MTMR9: variants seen among roughly 807,000 people sequenced by gnomAD.
MTMR9 encodes myotubularin related protein 9.
A neutral mutation model predicts 69.5 loss-of-function variants in MTMR9; 39 were observed. The observed-to-expected ratio is 0.56, with a 90% CI of 0.43 to 0.73. The LOEUF (loss-of-function observed/expected upper bound fraction) is 0.73, where lower values mean the gene tolerates loss of function less well. MTMR9 is among the 30% of genes least tolerant of loss of function. The pLI, the probability that MTMR9 is intolerant of heterozygous loss-of-function variation, is 0.00. For synonymous variants in MTMR9, 354 were observed against 240.8 expected, an observed-to-expected ratio of 1.47 and a Z score of -4.35; for missense variants, 900 against 671.2, an observed-to-expected ratio of 1.34 and a Z score of -3.77.
Position 11,319,732 on chromosome 8 carries a change from G to A in MTMR9, c.1380G>A (p.Trp460Ter). 6.2e-7 allele frequency: 1 copy of A among 1,614,106 alleles called. No homozygotes were observed. Among genetic ancestry groups the A allele is most frequent in the Non-Finnish European group, 8.5e-7 (1 of 1,180,014 alleles). The part of the protein sequence containing the change: ...LQQKTMSLWS[W>*]VNQPSELSKF... ...AGAAGACGATGTCTTTGTGGTCCTG[G>A]GTTAATCAGCCCAGTGAGCTGAGTA... The change falls in exon 9 of 10, where the codon TGG (tryptophan) becomes TGA (stop). Residue 460 changes from tryptophan to a stop codon, truncating the protein, a stop_gained. Transcript: ENST00000221086. LOFTEE classifies it high-confidence loss of function.
the MTMR9 span, among the ~76,000 whole-genome samples, chr8:11,338,610 C>T: frequency 1.3e-5 from 2 of 152,322 alleles, no homozygotes; most frequent in East Asian, 1.9e-4. Context: ...CAATAGACCA[C>T]GGCATTCCTA....
intron 8 of MTMR9, chr8:11,317,440 AAGG>A (rs1800471340): frequency 6.6e-6 from 1 of 152,152 alleles, no homozygotes; most frequent in African/African-American, 2.4e-5. Context: ...AGATTCTCAT[AAGG>A]AGAATTCTCA....
intron 2 of MTMR9, among the ~76,000 whole-genome samples, chr8:11,296,995 AT>A (rs1489119825): frequency 6.6e-6 from 1 of 152,182 alleles, no homozygotes; most frequent in African/African-American, 2.4e-5. Context: ...CTAACCAACT[AT>A]TTTGATGTAC....
Position 11,306,404 on chromosome 8 carries a change from A to G in MTMR9, c.806A>G (p.Glu269Gly). ...PQWRRIHKSIERYHILQESLI... is the reference protein window; with the variant it reads ...PQWRRIHKSIGRYHILQESLI... ...TGGAGGCGAATTCATAAGTCCATTG[A>G]GAGGTAAAAGATTCCAAAGATAGTA... The change falls in exon 5 of 10, where the codon GAG becomes GGG. Residue 269 changes from glutamate to glycine, a missense_variant. Glu to Gly is a moderately conservative substitution (Grantham distance 98). Transcript: ENST00000221086. 6.2e-7 allele frequency: 1 copy of G among 1,613,622 alleles called. No homozygotes were observed. Among genetic ancestry groups the G allele is most frequent in the Non-Finnish European group, 8.5e-7 (1 of 1,179,612 alleles).
At chr8:11,297,758 C>A (rs958469574) in intron 2 of MTMR9, 2 of 398,160 alleles carry the variant, frequency 5.0e-6, no homozygotes, top group East Asian at 7.2e-5. Context: ...GAAACTGACT[C>A]ATTATATAAA....
downstream of MTMR9, among the ~76,000 whole-genome samples, chr8:11,330,260 C>T (rs1336405621): frequency 2.7e-5 from 4 of 150,814 alleles, no homozygotes; most frequent in Admixed American, 6.6e-5. Context: ...GGTCAGCCCC[C>T]CACCGGCCAG....
At chr8:11,302,246 C>T (rs13270679) in intron 3 of MTMR9, among the ~76,000 whole-genome samples, 42,252 of 114,868 alleles carry the variant, frequency 0.37, 8,697 homozygotes, top group East Asian at 0.7. Context: ...GAGCAAGACC[C>T]TGTCTCCAAA....
chr8:11,302,169 C>T (rs1343906563), intron 3 of MTMR9, among the ~76,000 whole-genome samples: 1 of 142,186 alleles, frequency 7.0e-6, no homozygotes, highest in Non-Finnish European at 1.5e-5. Context: ...GGGAGAATGG[C>T]TTGAGCCCAG....
downstream of MTMR9, chr8:11,331,534 C>T: frequency 6.2e-7 from 1 of 1,613,892 alleles, no homozygotes; most frequent in Non-Finnish European, 8.5e-7. Context: ...GTATGCTCCG[C>T]TGTCCTCACC....
intron 1 of MTMR9, among the ~76,000 whole-genome samples, chr8:11,294,234 T>TA (rs1484792195): frequency 6.6e-6 from 1 of 152,202 alleles, no homozygotes; most frequent in Non-Finnish European, 1.5e-5. Context: ...CTTTTTACCT[T>TA]ACTGCACTAG....
intron 6 of MTMR9, among the ~76,000 whole-genome samples, chr8:11,310,364 A>G (rs748958768): frequency 7.2e-5 from 11 of 152,258 alleles, no homozygotes; most frequent in Non-Finnish European, 1.5e-4. Context: ...TTCCACTGAA[A>G]CAGTAGGTAG....
intron 5 of MTMR9, among the ~76,000 whole-genome samples, chr8:11,307,542 C>T (rs1006027816): frequency 1.3e-5 from 2 of 152,110 alleles, no homozygotes; most frequent in Non-Finnish European, 2.9e-5. Context: ...ATTTCGTTTC[C>T]GATATTCAAA....
At chr8:11,304,101 T>C (rs2060463) in intron 3 of MTMR9, among the ~76,000 whole-genome samples, 43,697 of 151,818 alleles carry the variant, frequency 0.29, 10,086 homozygotes, top group African/African-American at 0.64. Context: ...AAGCTGTTTT[T>C]AATTCTGATG....
intron 1 of MTMR9, among the ~76,000 whole-genome samples, chr8:11,286,762 C>T (rs1341256025): frequency 6.6e-6 from 1 of 151,488 alleles, no homozygotes; most frequent in African/African-American, 2.4e-5. Flanking sequence ...TCGGCCCTAT[C>T]CTACTTTCTC....
chr8:11,331,031 A>C (rs13253735), downstream of MTMR9: 1 of 1,508,108 alleles, frequency 6.6e-7, no homozygotes, highest in Non-Finnish European at 8.8e-7. Flanking sequence ...CCGCACTCCA[A>C]TGAGGTCACA....
In MTMR9 at chr8:11,314,941, G is replaced by A; in HGVS notation, c.990G>A (p.Leu330=). ...QCIDREGASI[L]IHGTEGTDST... ...CTATCAGGGAAGGAGCATCAATATT[G>A]ATTCACGGAACAGAAGGAACTGATT... Residue 330 remains leucine, a synonymous_variant, in exon 7 of 10, where the codon TTG becomes TTA. Coordinates refer to ENST00000221086, the MANE Select transcript of MTMR9 (RefSeq NM_015458.4). The A allele has an allele frequency of 1.2e-6, 2 of 1,613,802 alleles. No homozygotes were observed. Among genetic ancestry groups the A allele is most frequent in the Non-Finnish European group, 1.7e-6 (2 of 1,179,784 alleles).
At chr8:11,297,356 A>C (rs986752261) in intron 2 of MTMR9, among the ~76,000 whole-genome samples, 14 of 152,244 alleles carry the variant, frequency 9.2e-5, no homozygotes, top group African/African-American at 2.9e-4. Context: ...TTTGTCTTAC[A>C]CATCTGTCAT....
At position 11,326,038 on chromosome 8, in the gene MTMR9, G is replaced by T. The variant is rs1290624669; in HGVS notation, c.*3250G>T. 6.6e-6 allele frequency: 1 copy of T among 152,098 alleles called. No homozygotes were observed. The highest frequency in any genetic ancestry group is 1.5e-5 in the Non-Finnish European group (1 of 68,004). The allele number at this position is 152,098 out of a possible 1,614,324, so 9.4% of individuals were successfully genotyped here. A position where few individuals can be genotyped will look rare whatever the true frequency, so the allele number is the denominator to read the frequency against. On this transcript the variant is annotated 3_prime_UTR_variant, in exon 10 of 10. Coordinates refer to ENST00000221086, the MANE Select transcript of MTMR9 (RefSeq NM_015458.4). ...TTTGTTTTAAAGGATGAAATTTTGT[G>T]GGGTTTTAGTCTTTGATTCAGTCAG... is the stretch of plus-strand genomic sequence containing the variant.
chr8:11,309,631 T>A lies in MTMR9; in HGVS notation c.914T>A (p.Leu305Gln), dbSNP rs1800111536. Residue 305 changes from leucine (L) to glutamine (Q), a missense_variant, in exon 6 of 10, where the codon CTG (leucine) becomes CAG (glutamine). By Grantham distance (113) the Leu-to-Gln change is moderately radical (BLOSUM62 -2). Coordinates refer to ENST00000221086, the MANE Select transcript of MTMR9 (RefSeq NM_015458.4). ...AGTAAATTGGAGGCCTCTAACTGGC[T>A]GACTCACATCAAAGAGATTCTGACA... ...WLSKLEASNWLTHIKEILTTA... is the reference protein window; with the variant it reads ...WLSKLEASNWQTHIKEILTTA... The A allele has an allele frequency of 6.2e-7, 1 of 1,614,002 alleles. No homozygotes were observed. Among genetic ancestry groups the A allele is most frequent in the East Asian group, 2.2e-5 (1 of 44,888 alleles).
Sources: allele counts gnomAD v4.1 joint callset (sites outside exome capture counted in the v4.1 genomes callset), GRCh38; gene constraint gnomAD v4.1.1; transcripts MANE v1.5; gene names NCBI Gene and HGNC (gene_info 2026-07-23, HGNC 2026-07-21).